WDR26: variants seen among roughly 807,000 people sequenced by gnomAD.
WDR26 encodes WD repeat domain 26.
In WDR26, 5 loss-of-function variants were observed where a neutral mutation model predicts 84.1. That is an observed-to-expected ratio of 0.06 (90% CI 0.03 to 0.13). The LOEUF is 0.13. Among genes scored for constraint, WDR26 ranks in the 10% least tolerant of loss-of-function variants. WDR26 has a pLI of 1.00. For missense variants in WDR26, 642 were observed against 974.9 expected (o/e 0.66, Z 4.55); for synonymous variants, 415 against 389.6 (o/e 1.07, Z -0.77).
intron 9 of WDR26, 113 bp from the exon 10 acceptor site, chr1:224,399,147 C>G: frequency 1.2e-6 from 1 of 858,692 alleles, no homozygotes; most frequent in Non-Finnish European, 1.7e-6. Context: ...TTTTTTTTTT[C>G]CTGAGACTGA....
At chr1:224,394,207 A>ATCAGCTC (rs1258753801) in intron 12 of WDR26, among the ~76,000 whole-genome samples, 194 bp from the exon 13 acceptor site, 5 of 152,254 alleles carry the variant, frequency 3.3e-5, no homozygotes, top group African/African-American at 1.2e-4. Context: ...GTTAAAGGTG[A>ATCAGCTC]TCAGCTCTCA....
intron 3 of WDR26, 43 bp from the exon 4 acceptor site, chr1:224,424,697 G>C: frequency 6.2e-7 from 1 of 1,613,340 alleles, no homozygotes; most frequent in South Asian, 1.1e-5. Context: ...AAAGTTGATG[G>C]AAGTTTCAGA....
At chr1:224,415,507 C>T (rs919509393) in intron 6 of WDR26, among the ~76,000 whole-genome samples, 5 of 129,914 alleles carry the variant, frequency 3.8e-5, no homozygotes, top group African/African-American at 1.2e-4. Context: ...GTCGCCCAAG[C>T]TGGAGTGCAG....
intron 7 of WDR26, among the ~76,000 whole-genome samples, chr1:224,410,038 T>C (rs918811507): frequency 6.6e-6 from 1 of 151,972 alleles, no homozygotes; most frequent in Non-Finnish European, 1.5e-5. Context: ...CCCAGCACTT[T>C]GGGAGGCCGA....
intron 3 of WDR26, 43 bp from the exon 4 acceptor site, chr1:224,424,697 G>A (rs1250383133): frequency 6.2e-7 from 1 of 1,613,340 alleles, no homozygotes; most frequent in Non-Finnish European, 8.5e-7. Context: ...AAAGTTGATG[G>A]AAGTTTCAGA....
intron 7 of WDR26, 143 bp from the exon 8 acceptor site, chr1:224,404,713 G>A: frequency 1.1e-6 from 1 of 936,110 alleles, no homozygotes; most frequent in Admixed American, 3.0e-5. Context: ...TTAACAGCTT[G>A]CTTCATAAAG....
chr1:224,390,242 C>T lies in WDR26; in HGVS notation c.2261-382G>A, dbSNP rs569853677. On this transcript the variant is annotated intron_variant, in intron 13 of 13. Coordinates refer to ENST00000414423, the MANE Select transcript of WDR26 (RefSeq NM_001379403.1). ...TCAAGTGATCCTTCCACCTCTGCTT[C>T]CTGAGTAGCCAGGACTACAGGCACA... Among the ~76,000 whole-genome samples, 12 of 152,288 alleles carry T rather than the reference C, an allele frequency of 7.9e-5. No homozygotes were observed. In the East Asian group the frequency reaches 1.7e-3, roughly 22 times the overall value.
intron 4 of WDR26, among the ~76,000 whole-genome samples, chr1:224,422,323 G>A (rs187168795): frequency 2.0e-5 from 3 of 152,300 alleles, no homozygotes; most frequent in African/African-American, 7.2e-5. Context: ...GAGATTTTGG[G>A]TTTTAAGACT....
intron 6 of WDR26, chr1:224,413,443 T>C (rs891057045): frequency 5.2e-6 from 2 of 388,054 alleles, no homozygotes. Context: ...CTTTCAGATT[T>C]TTAAATTAAA....
chr1:224,406,890 A>G (rs985325529), intron 7 of WDR26, among the ~76,000 whole-genome samples: 2 of 151,450 alleles, frequency 1.3e-5, no homozygotes, highest in African/African-American at 2.4e-5. Context: ...GGGAGGTTGA[A>G]GCAGGCGAAC....
chr1:224,398,273 C>A, intron 11 of WDR26, 47 bp from the exon 12 acceptor site: 1 of 1,576,518 alleles, frequency 6.3e-7, no homozygotes, highest in Admixed American at 2.0e-5. Flanking sequence ...TCAACTCAAA[C>A]AAATTTTAAA....
intron 1 of WDR26, among the ~76,000 whole-genome samples, chr1:224,433,094 C>T (rs2102928369): frequency 6.6e-6 from 1 of 152,294 alleles, no homozygotes; most frequent in East Asian, 1.9e-4. Context: ...AACACTGTAT[C>T]TTCATTATTC....
In WDR26 at chr1:224,387,166, C is replaced by T. The variant is rs931372805; in HGVS notation, c.*2669G>A. The T allele has an allele frequency of 6.6e-6, 1 of 152,560 alleles. No individual in the cohort carries two copies. The highest frequency in any genetic ancestry group is 6.6e-5 in the Admixed American group (1 of 15,264). 9.5% of individuals were successfully genotyped at this position (152,560 alleles called of 1,614,324 possible). On this transcript the variant is annotated 3_prime_UTR_variant, in exon 14 of 14. Coordinates refer to ENST00000414423, the MANE Select transcript of WDR26 (RefSeq NM_001379403.1). The stretch of plus-strand genomic sequence containing the variant: ...AAGTATTGGTACTTTTCAATTTATA[C>T]ATTTGTTAGTATCTTGTGGCTGGCT...
chr1:224,403,711 C>T (rs566048717), intron 8 of WDR26, among the ~76,000 whole-genome samples: 6 of 152,280 alleles, frequency 3.9e-5, no homozygotes, highest in South Asian at 4.1e-4. Context: ...CCGAGGCAGG[C>T]GGATCACTTT....
chr1:224,407,571 C>T (rs1673618122), intron 7 of WDR26, among the ~76,000 whole-genome samples: 2 of 149,872 alleles, frequency 1.3e-5, no homozygotes, highest in Admixed American at 1.3e-4. Context: ...TGCAGTGGCG[C>T]AATCTCAATT....
intron 8 of WDR26, 132 bp downstream of exon 8, chr1:224,404,298 G>C: frequency 9.2e-7 from 1 of 1,083,712 alleles, no homozygotes; most frequent in Admixed American, 3.3e-5. Context: ...GGTTCCACTT[G>C]AATAACTAAG....
chr1:224,426,233 C>T (rs1332449801), intron 3 of WDR26, among the ~76,000 whole-genome samples: 1 of 152,070 alleles, frequency 6.6e-6, no homozygotes, highest in East Asian at 1.9e-4. Context: ...CATTTATTTG[C>T]AGAATTAACA....
At position 224,394,763 on chromosome 1, in the gene WDR26, G is replaced by A. The variant is rs1673215961; in HGVS notation, c.2075-750C>T. ...GCCCATCTCAGCCTCCCAAAGTGCTGGGATTACAGGCATGAGCTACTGCGC... is the reference window on the plus strand; with the variant it reads ...GCCCATCTCAGCCTCCCAAAGTGCTAGGATTACAGGCATGAGCTACTGCGC... On this transcript the variant is annotated intron_variant, in intron 12 of 13. Transcript: ENST00000414423. Among the ~76,000 whole-genome samples the A allele has an allele frequency of 2.0e-5, 3 of 152,068 alleles. No homozygotes were observed. The South Asian group carries it at 6.2e-4, about 31-fold the overall frequency.
chr1:224,424,596 A>T lies in WDR26; in HGVS notation c.986T>A (p.Val329Asp). Residue 329 changes from valine (V) to aspartate (D), a missense_variant, in exon 4 of 14, where the codon GTC becomes GAC. By Grantham distance (152) the Val-to-Asp change is radical. Transcript: ENST00000414423. ...GCGTAGAACTTGAAGTGCCTCCAGG[A>T]CCTTGCCATCCTCCAGGTATTCTAG... 1 of 1,614,166 alleles carries T rather than the reference A, an allele frequency of 6.2e-7. No homozygotes were observed. The highest frequency in any genetic ancestry group is 8.5e-7 in the Non-Finnish European group (1 of 1,180,012).
Sources: gnomAD v4.1 joint callset for allele counts (sites outside exome capture counted in the v4.1 genomes callset) on GRCh38, gnomAD v4.1.1 for gene constraint, MANE v1.5 for transcripts, NCBI Gene and HGNC (gene_info 2026-07-23, HGNC 2026-07-21) for gene names.